Variants in TNPO1 observed in about 807,000 individuals in gnomAD.
The protein encoded by TNPO1 is transportin-1.
TNPO1 carries 8 observed loss-of-function variants against 119.5 expected under a neutral mutation model. The ratio of observed to expected loss-of-function variants is 0.07; its 90% confidence interval spans 0.04 to 0.12. The LOEUF is 0.12. Ranked by LOEUF, TNPO1 falls within the 10% of genes least tolerant of loss-of-function variation. The pLI, the probability that TNPO1 is intolerant of heterozygous loss-of-function variation, is 1.00. For synonymous variants in TNPO1, 362 were observed against 363.0 expected (o/e 1.00, Z 0.03); for missense variants, 576 against 1,089.8 (o/e 0.53, Z 6.64).
intron 9 of TNPO1, among the ~76,000 whole-genome samples, chr5:72,879,533 C>T (rs1293332523): frequency 3.3e-5 from 5 of 152,130 alleles, no homozygotes; most frequent in Non-Finnish European, 7.4e-5. Context: ...TTATGTCTTC[C>T]CTACTACTGT....
intron 1 of TNPO1, chr5:72,848,058 G>C (rs182682523): frequency 1.9e-6 from 2 of 1,057,842 alleles, no homozygotes; most frequent in Non-Finnish European, 2.3e-6. Context: ...AGAAAACTGC[G>C]TGGCACTAGG....
At chr5:72,867,369 C>T (rs893965907) in intron 6 of TNPO1, among the ~76,000 whole-genome samples, 7 of 130,978 alleles carry the variant, frequency 5.3e-5, no homozygotes, top group African/African-American at 1.8e-4. Flanking sequence ...CTGACATTTA[C>T]TATGTACTCT....
chr5:72,886,678 C>G (rs908211552), intron 11 of TNPO1, among the ~76,000 whole-genome samples: 4 of 151,836 alleles, frequency 2.6e-5, no homozygotes, highest in African/African-American at 9.7e-5. Flanking sequence ...GAGGGTGGAT[C>G]ACGAGGTCAG....
intron 1 of TNPO1, among the ~76,000 whole-genome samples, chr5:72,828,902 A>C (rs1327989834): frequency 6.6e-6 from 1 of 152,228 alleles, no homozygotes; most frequent in Admixed American, 6.5e-5. Context: ...TGTCATCCTG[A>C]TAAACATTAG....
At chr5:72,902,838 A>C (rs565377018) in intron 22 of TNPO1, among the ~76,000 whole-genome samples, 5 of 152,294 alleles carry the variant, frequency 3.3e-5, no homozygotes, top group Middle Eastern at 3.4e-3. Flanking sequence ...TTAAATTTTT[A>C]ACATCAGATT....
intron 1 of TNPO1, among the ~76,000 whole-genome samples, chr5:72,835,034 GC>G (rs1744640274): frequency 6.6e-6 from 1 of 152,138 alleles, no homozygotes; most frequent in African/African-American, 2.4e-5. Flanking sequence ...TGGCCTAGGA[GC>G]CACAAGCTAT....
intron 19 of TNPO1, 85 bp downstream of exon 19, chr5:72,896,641 G>A (rs776654282): frequency 7.6e-5 from 78 of 1,032,222 alleles, no homozygotes; most frequent in Non-Finnish European, 1.0e-4. Context: ...AGGCTGAGGC[G>A]GGCAGATCAC....
intron 22 of TNPO1, among the ~76,000 whole-genome samples, chr5:72,902,433 A>C (rs1479724654): frequency 6.6e-6 from 1 of 152,132 alleles, no homozygotes; most frequent in African/African-American, 2.4e-5. Context: ...AAATATTCAT[A>C]ACTTACTGTT....
chr5:72,903,626 A>G (rs1476538664), intron 22 of TNPO1, 83 bp from the exon 23 acceptor site: 4 of 859,134 alleles, frequency 4.7e-6, no homozygotes, highest in African/African-American at 1.7e-5. Context: ...CTATTGTGAC[A>G]TAAACTCTGA....
At chr5:72,895,469 A>T (rs1336798677) in intron 18 of TNPO1, among the ~76,000 whole-genome samples, 3 of 151,500 alleles carry the variant, frequency 2.0e-5, no homozygotes, top group African/African-American at 7.3e-5. Flanking sequence ...ATTTTGTTTG[A>T]TGCTGGAGAG....
chr5:72,906,063 C>CT (rs1292502100), intron 24 of TNPO1, among the ~76,000 whole-genome samples: 4 of 151,966 alleles, frequency 2.6e-5, no homozygotes, highest in Non-Finnish European at 5.9e-5. Context: ...TTCCTTTTTT[C>CT]TTTCTTTTTT....
chr5:72,829,794 C>T (rs1480409799), intron 1 of TNPO1, among the ~76,000 whole-genome samples: 2 of 152,078 alleles, frequency 1.3e-5, no homozygotes, highest in Non-Finnish European at 2.9e-5. Flanking sequence ...ATTCCTGATG[C>T]CCCTTCTTTT....
intron 1 of TNPO1, among the ~76,000 whole-genome samples, chr5:72,846,071 T>C (rs142953453): frequency 6.6e-6 from 1 of 152,212 alleles, no homozygotes; most frequent in African/African-American, 2.4e-5. Context: ...AAAGGAAACA[T>C]TCATATTGTT....
At chr5:72,859,366 G>A (rs1479511634) in intron 4 of TNPO1, among the ~76,000 whole-genome samples, 1 of 152,200 alleles carries the variant, frequency 6.6e-6, no homozygotes, top group Non-Finnish European at 1.5e-5. Context: ...AATGTCTCTA[G>A]ACCATGCCAC....
chr5:72,873,817 G>T (rs1747577761), intron 7 of TNPO1, among the ~76,000 whole-genome samples: 1 of 152,034 alleles, frequency 6.6e-6, no homozygotes. Context: ...GACCTACCTT[G>T]TTGGATTGTT....
intron 1 of TNPO1, among the ~76,000 whole-genome samples, chr5:72,840,295 A>G (rs909770565): frequency 1.3e-5 from 2 of 152,168 alleles, no homozygotes; most frequent in East Asian, 1.9e-4. Flanking sequence ...TCTTGGACAC[A>G]TTGCTTAAGT....
intron 24 of TNPO1, among the ~76,000 whole-genome samples, chr5:72,908,191 C>T (rs1256948336): frequency 1.3e-5 from 2 of 152,038 alleles, no homozygotes; most frequent in Non-Finnish European, 2.9e-5. Context: ...CTTAAAATAC[C>T]AGACAACCCC....
intron 1 of TNPO1, among the ~76,000 whole-genome samples, chr5:72,839,555 A>G (rs939090042): frequency 2.0e-5 from 3 of 152,200 alleles, no homozygotes; most frequent in Non-Finnish European, 4.4e-5. Context: ...AAGAAGTACA[A>G]ATTATTATGT....
intron 3 of TNPO1, among the ~76,000 whole-genome samples, chr5:72,854,792 C>T (rs555875995): frequency 8.5e-5 from 13 of 152,170 alleles, no homozygotes; most frequent in Admixed American, 5.2e-4. Context: ...TAAATACTAT[C>T]TATGGATTAA....
Sources: allele counts gnomAD v4.1 joint callset (sites outside exome capture counted in the v4.1 genomes callset), GRCh38; gene constraint gnomAD v4.1.1; transcripts MANE v1.5; gene names NCBI Gene and HGNC (gene_info 2026-07-23, HGNC 2026-07-21).